Variants in CAP2 observed in about 807,000 individuals in gnomAD.
CAP2 encodes the protein cyclase associated actin cytoskeleton regulatory protein 2, also known as adenylyl cyclase-associated protein 2.
A neutral mutation model predicts 57.7 loss-of-function variants in CAP2; 24 were observed. The ratio of observed to expected loss-of-function variants is 0.42; its 90% CI spans 0.30 to 0.58. The LOEUF (loss-of-function observed/expected upper bound fraction) is 0.58. Among genes scored for constraint, CAP2 ranks in the 20% least tolerant of loss-of-function variants. CAP2 has a pLI of 0.22. For synonymous variants in CAP2, 194 were observed against 207.2 expected (o/e 0.94, Z 0.55); for missense variants, 501 against 590.3 (o/e 0.85, Z 1.57).
At chr6:17,546,758 C>G (rs536742050) in intron 11 of CAP2, among the ~76,000 whole-genome samples, 1 of 152,116 alleles carries the variant, frequency 6.6e-6, no homozygotes, top group Non-Finnish European at 1.5e-5. Context: ...GCACTCCCTT[C>G]GAAAACTGGC....
chr6:17,536,964 G>A (rs1455791305), intron 7 of CAP2, among the ~76,000 whole-genome samples: 3 of 152,174 alleles, frequency 2.0e-5, no homozygotes, highest in Non-Finnish European at 2.9e-5. Flanking sequence ...CTCAGGAACT[G>A]TGAAATCATT....
chr6:17,470,466 AT>A (rs930027611), intron 4 of CAP2, among the ~76,000 whole-genome samples: 40 of 152,032 alleles, frequency 2.6e-4, no homozygotes, highest in African/African-American at 9.2e-4. Context: ...AACAGAAGAG[AT>A]TTTTTTTCTT....
At chr6:17,547,896 A>G (rs1309188280) in intron 11 of CAP2, among the ~76,000 whole-genome samples, 1 of 151,958 alleles carries the variant, frequency 6.6e-6, no homozygotes, top group African/African-American at 2.4e-5. Context: ...GAGAGAGATA[A>G]AACTGGAAAA....
At chr6:17,408,888 C>T (rs1412046023) in intron 1 of CAP2, among the ~76,000 whole-genome samples, 1 of 150,268 alleles carries the variant, frequency 6.7e-6, no homozygotes, top group East Asian at 2.1e-4. Flanking sequence ...CCAGGATGGT[C>T]TTGATCTCCT....
In CAP2 at chr6:17,551,585, T is replaced by C; in HGVS notation, c.1331T>C (p.Ile444Thr). Residue 444 changes from isoleucine to threonine, a missense_variant, in exon 12 of 13, where the codon ATC becomes ACC. Physicochemically the swap from Ile to Thr is moderately conservative, Grantham distance 89. Transcript: ENST00000229922. ...SAKSSEMNIL[I>T]PQDGDYREFP... is the part of the protein sequence containing the mutation. Reference sequence around the variant, plus strand: ...AAGTCATCTGAAATGAACATACTTATCCCTCAGGATGGTGATTATGTAAGT... The same window carrying C: ...AAGTCATCTGAAATGAACATACTTACCCCTCAGGATGGTGATTATGTAAGT... The C allele has an allele frequency of 6.2e-7, 1 of 1,608,414 alleles. No homozygotes were observed. The highest frequency in any genetic ancestry group is 8.5e-7 in the Non-Finnish European group (1 of 1,177,106).
rs188670647 is a variant in CAP2, at chr6:17,520,764, C to G, written c.636+6810C>G. ...TGTCATTAACTATGAATATGTATGC[C>G]TTGTACGTTTTCAAGTCTTCAGGCC... On this transcript the variant is annotated intron_variant, in intron 7 of 12. Coordinates refer to ENST00000229922, the MANE Select transcript of CAP2 (RefSeq NM_006366.3). Among the ~76,000 whole-genome samples the G allele has an allele frequency of 4.9e-3, 749 of 152,252 alleles. 7 individuals carry two copies. Among genetic ancestry groups the G allele is most frequent in the African/African-American group, 0.017 (695 of 41,552 alleles).
intron 1 of CAP2, among the ~76,000 whole-genome samples, chr6:17,401,671 G>A (rs948001925): frequency 6.6e-6 from 1 of 152,212 alleles, no homozygotes; most frequent in South Asian, 2.1e-4. Context: ...AGAAGCTGTG[G>A]CTAGAGATTT....
At chr6:17,493,630 T>C in intron 4 of CAP2, 1 of 165,774 alleles carries the variant, frequency 6.0e-6, no homozygotes, top group East Asian at 1.6e-4. Flanking sequence ...TGTGTTGTTC[T>C]GAATTGGAAC....
At chr6:17,484,873 G>A (rs979162050) in intron 4 of CAP2, among the ~76,000 whole-genome samples, 20 of 152,242 alleles carry the variant, frequency 1.3e-4, no homozygotes, top group African/African-American at 4.6e-4. Context: ...CAGGATCCTC[G>A]TCCTGTTGCT....
chr6:17,393,686 G>C lies in CAP2; in HGVS notation c.-62G>C, dbSNP rs915225053. ...AGAAGGGGAGGGCCGCGGGAGGAGG[G>C]TACGAGTGGCCGACCACGGATTTGC... is the stretch of plus-strand genomic sequence containing the variant. On this transcript the variant is annotated 5_prime_UTR_variant, in exon 1 of 13. Coordinates refer to ENST00000229922, the MANE Select transcript of CAP2 (RefSeq NM_006366.3). The C allele has an allele frequency of 2.6e-5, 4 of 152,416 alleles. No homozygotes were observed. The highest frequency in any genetic ancestry group is 2.9e-5 in the Non-Finnish European group (2 of 68,258). The allele number at this position is 152,416 out of a possible 1,614,324, so 9.4% of individuals were successfully genotyped here.
At chr6:17,393,946 G>C (rs549822818) in intron 1 of CAP2, among the ~76,000 whole-genome samples, 200 bp downstream of exon 1, 2 of 147,442 alleles carry the variant, frequency 1.4e-5, no homozygotes, top group African/African-American at 4.9e-5. Context: ...ACCCGGGCGC[G>C]GGGCGCGGGC....
At chr6:17,435,704 AGAAGTTTACGGAT>A (rs1561782454) in intron 3 of CAP2, among the ~76,000 whole-genome samples, 1 of 103,338 alleles carries the variant, frequency 9.7e-6, no homozygotes, top group Admixed American at 9.9e-5. Flanking sequence ...AAAAAAAAAA[AGAAGTTTACGGAT>A]AAAAAAAAAA....
chr6:17,552,979 G>A (rs1222906607), intron 12 of CAP2, among the ~76,000 whole-genome samples: 1 of 152,204 alleles, frequency 6.6e-6, no homozygotes, highest in African/African-American at 2.4e-5. Context: ...ACTAGTAAGT[G>A]TGTATGGACA....
intron 4 of CAP2, among the ~76,000 whole-genome samples, chr6:17,491,201 C>T (rs1761533424): frequency 6.6e-6 from 1 of 152,060 alleles, no homozygotes; most frequent in Admixed American, 6.5e-5. Context: ...GGTGCCCCAT[C>T]TGTTCTCCAC....
At chr6:17,483,011 C>A (rs569902910) in intron 4 of CAP2, among the ~76,000 whole-genome samples, 1 of 152,228 alleles carries the variant, frequency 6.6e-6, no homozygotes, top group African/African-American at 2.4e-5. Flanking sequence ...TCCTCTGTAC[C>A]AATAACTGCT....
chr6:17,547,798 G>A (rs866464383), intron 11 of CAP2, among the ~76,000 whole-genome samples: 36 of 147,682 alleles, frequency 2.4e-4, no homozygotes, highest in African/African-American at 4.7e-4. Flanking sequence ...CTGAGATCGC[G>A]CCACTGCACT....
chr6:17,544,964 C>A (rs188572405), intron 11 of CAP2, among the ~76,000 whole-genome samples: 1 of 152,218 alleles, frequency 6.6e-6, no homozygotes, highest in African/African-American at 2.4e-5. Context: ...AGAAAAAGCC[C>A]GGTACTTCAA....
At chr6:17,409,888 C>A (rs1383887858) in intron 1 of CAP2, among the ~76,000 whole-genome samples, 1 of 152,146 alleles carries the variant, frequency 6.6e-6, no homozygotes, top group Non-Finnish European at 1.5e-5. Context: ...CTTAGATCTT[C>A]TTCAACCCGC....
Position 17,414,562 on chromosome 6 carries a change from T to C in CAP2, c.-1-6993T>C, listed in dbSNP as rs1759230190. ...GGATGATGGCTTCTAGTTTCTTCCATGTCCCTGCAAAGGACATGATCTCAT... is the reference window on the plus strand; with the variant it reads ...GGATGATGGCTTCTAGTTTCTTCCACGTCCCTGCAAAGGACATGATCTCAT... On this transcript the variant is annotated intron_variant, in intron 1 of 12. Transcript: ENST00000229922. Among the ~76,000 whole-genome samples, 3 of 152,196 alleles carry C rather than the reference T, an allele frequency of 2.0e-5. No homozygotes were observed. The South Asian group carries it at 6.2e-4, about 32-fold the overall frequency.
Sources: gnomAD v4.1 joint callset for allele counts (sites outside exome capture counted in the v4.1 genomes callset) on GRCh38, gnomAD v4.1.1 for gene constraint, MANE v1.5 for transcripts, NCBI Gene and HGNC (gene_info 2026-07-23, HGNC 2026-07-21) for gene names.